Variants in STXBP5L observed in about 807,000 individuals in gnomAD.
STXBP5L encodes the protein syntaxin-binding protein 5-like.
Under a neutral mutation model 144.5 loss-of-function variants are expected in STXBP5L, and 65 were observed. The observed-to-expected ratio is 0.45, with a 90% CI of 0.37 to 0.55. The LOEUF (loss-of-function observed/expected upper bound fraction) is 0.55, where lower values mean the gene tolerates loss of function less well. Among genes scored for constraint, STXBP5L ranks in the 20% least tolerant of loss-of-function variants. The pLI is 0.00. For missense variants in STXBP5L, 1,298 were observed against 1,405.5 expected, an observed-to-expected ratio of 0.92 and a Z score of 1.22; for synonymous variants, 505 against 469.6, an observed-to-expected ratio of 1.08 and a Z score of -0.97.
At chr3:121,174,855 G>A (rs565476904) in intron 9 of STXBP5L, among the ~76,000 whole-genome samples, 2 of 152,076 alleles carry the variant, frequency 1.3e-5, no homozygotes, top group African/African-American at 4.8e-5. Context: ...TTATTTTATT[G>A]ACAAAAGCCT....
At chr3:121,358,129 A>C (rs1377427178) in intron 20 of STXBP5L, among the ~76,000 whole-genome samples, 1 of 152,152 alleles carries the variant, frequency 6.6e-6, no homozygotes, top group Non-Finnish European at 1.5e-5. Flanking sequence ...GTCCAATTAC[A>C]TTCTTTAAGT....
At chr3:120,965,046 G>C (rs1387259746) in intron 3 of STXBP5L, among the ~76,000 whole-genome samples, 1 of 152,022 alleles carries the variant, frequency 6.6e-6, no homozygotes, top group African/African-American at 2.4e-5. Flanking sequence ...TGTCTCTTTT[G>C]ATCTTTGTTG....
At chr3:121,208,326 C>T (rs2048420287) in intron 10 of STXBP5L, among the ~76,000 whole-genome samples, 1 of 114,048 alleles carries the variant, frequency 8.8e-6, no homozygotes, top group South Asian at 2.8e-4. Context: ...CACACCGGGG[C>T]CTGTCATGGG....
intron 2 of STXBP5L, among the ~76,000 whole-genome samples, chr3:120,923,353 C>A (rs1576423537): frequency 1.3e-5 from 2 of 151,444 alleles, no homozygotes; most frequent in East Asian, 3.9e-4. Context: ...CTTCTCTGAT[C>A]TTTATTATTT....
chr3:120,917,245 A>G (rs1185655742), intron 2 of STXBP5L, among the ~76,000 whole-genome samples: 1 of 152,208 alleles, frequency 6.6e-6, no homozygotes. Flanking sequence ...TTAGGCCAAG[A>G]GGAAATTGAT....
intron 20 of STXBP5L, among the ~76,000 whole-genome samples, chr3:121,338,054 C>G (rs980642629): frequency 1.3e-5 from 2 of 152,020 alleles, no homozygotes; most frequent in Non-Finnish European, 2.9e-5. Flanking sequence ...ACAGGAAAAG[C>G]GGTGCTAAGA....
At chr3:121,230,486 A>T (rs1266843951) in intron 11 of STXBP5L, among the ~76,000 whole-genome samples, 1 of 150,272 alleles carries the variant, frequency 6.7e-6, no homozygotes, top group Non-Finnish European at 1.5e-5. Flanking sequence ...GGCAAATATT[A>T]TAAAAGTAAT....
chr3:121,351,367 C>T (rs1416314885), intron 20 of STXBP5L, among the ~76,000 whole-genome samples: 1 of 152,108 alleles, frequency 6.6e-6, no homozygotes, highest in Non-Finnish European at 1.5e-5. Context: ...CAGTCTGCCC[C>T]TAATGGGGGG....
chr3:120,953,117 C>G (rs1937624841), intron 2 of STXBP5L, among the ~76,000 whole-genome samples: 1 of 151,550 alleles, frequency 6.6e-6, no homozygotes, highest in Admixed American at 6.6e-5. Flanking sequence ...CATATAGTTT[C>G]TAAGCAATTG....
intron 3 of STXBP5L, among the ~76,000 whole-genome samples, chr3:120,963,893 G>A (rs77547172): frequency 0.12 from 18,270 of 152,050 alleles, 1,155 homozygotes; most frequent in Non-Finnish European, 0.14. Context: ...CTTTGAATCC[G>A]TCTGGTCCTG....
At chr3:120,975,980 A>G (rs985204535) in intron 3 of STXBP5L, among the ~76,000 whole-genome samples, 1 of 151,642 alleles carries the variant, frequency 6.6e-6, no homozygotes, top group African/African-American at 2.4e-5. Context: ...ATCAATGTTC[A>G]TCAAGGATAT....
chr3:121,131,828 A>G (rs576754382), intron 7 of STXBP5L, among the ~76,000 whole-genome samples: 29 of 152,334 alleles, frequency 1.9e-4, no homozygotes, highest in South Asian at 1.2e-3. Context: ...TTCAGCTACA[A>G]TTCACATATA....
intron 9 of STXBP5L, among the ~76,000 whole-genome samples, chr3:121,194,647 T>A (rs981652054): frequency 6.6e-6 from 1 of 152,202 alleles, no homozygotes; most frequent in African/African-American, 2.4e-5. Flanking sequence ...AAATTGATAC[T>A]AATTCTTCCT....
intron 3 of STXBP5L, among the ~76,000 whole-genome samples, chr3:121,007,739 G>T (rs1944452006): frequency 1.3e-5 from 2 of 151,984 alleles, no homozygotes; most frequent in South Asian, 4.1e-4. Flanking sequence ...GCTTGTAGTT[G>T]AAGCTTGCAC....
intron 19 of STXBP5L, among the ~76,000 whole-genome samples, chr3:121,303,611 A>G (rs1240076298): frequency 6.6e-6 from 1 of 152,200 alleles, no homozygotes; most frequent in East Asian, 1.9e-4. Flanking sequence ...CACAATAGCA[A>G]AGACTTGGAA....
rs569281932 is a variant in STXBP5L at position 121,181,331 on chromosome 3, AGAGAG to A, written c.877+23723_877+23727del. On this transcript the variant is annotated intron_variant, in intron 9 of 26. Coordinates refer to ENST00000471454, the MANE Select transcript of STXBP5L (RefSeq NM_001308330.2). ...AACTCCATCAAGAAAAGAAAAGTAA[AGAGAG>A]GAGAGGAGAGGAGAGGAGTAGTACC... Among the ~76,000 whole-genome samples, 128 of 151,170 alleles carry A rather than the reference AGAGAG, an allele frequency of 8.5e-4. 2 individuals are homozygous for A. The South Asian group carries it at 0.012, about 15-fold the overall frequency.
intron 3 of STXBP5L, among the ~76,000 whole-genome samples, chr3:121,014,697 C>G (rs1290783215): frequency 1.3e-5 from 2 of 151,892 alleles, no homozygotes; most frequent in Non-Finnish European, 2.9e-5. Context: ...ACACTCTCAC[C>G]AGCAATATGT....
chr3:121,124,016 C>T (rs2044594301), intron 7 of STXBP5L, among the ~76,000 whole-genome samples: 1 of 151,612 alleles, frequency 6.6e-6, no homozygotes, highest in Non-Finnish European at 1.5e-5. Context: ...AGATTTTAAT[C>T]TTCATGTAAT....
intron 5 of STXBP5L, among the ~76,000 whole-genome samples, chr3:121,078,147 A>T (rs960511042): frequency 2.9e-5 from 4 of 135,760 alleles, no homozygotes; most frequent in African/African-American, 1.1e-4. Flanking sequence ...ACAGAGCATC[A>T]ATTGGTGCAT....
Sources: allele counts gnomAD v4.1 joint callset (sites outside exome capture counted in the v4.1 genomes callset), GRCh38; gene constraint gnomAD v4.1.1; transcripts MANE v1.5; gene names NCBI Gene and HGNC (gene_info 2026-07-23, HGNC 2026-07-21).